Variants in DGKH observed in about 807,000 individuals in gnomAD.
The protein encoded by DGKH is DAG kinase eta.
In DGKH, 90 loss-of-function variants were observed where a neutral mutation model predicts 159.3. That is an observed-to-expected ratio of 0.57 (90% CI 0.48 to 0.67). DGKH has a LOEUF of 0.67. Among genes scored for constraint, DGKH ranks in the 30% least tolerant of loss-of-function variants. The probability of loss-of-function intolerance (pLI) is 0.00; values close to 1 mark genes in which losing one functional copy is unlikely to be tolerated. For missense variants in DGKH, 1,181 were observed against 1,506.1 expected (o/e 0.78, Z 3.57); for synonymous variants, 536 against 553.8 (o/e 0.97, Z 0.45).
chr13:42,252,751 A>G (rs1323291654), intron 30 of DGKH, among the ~76,000 whole-genome samples: 4 of 150,476 alleles, frequency 2.7e-5, no homozygotes, highest in African/African-American at 7.3e-5. Flanking sequence ...GCATCCTACA[A>G]CTTTTTTTTT....
intron 1 of DGKH, among the ~76,000 whole-genome samples, chr13:42,114,024 C>T (rs1315314905): frequency 2.0e-5 from 3 of 152,130 alleles, no homozygotes; most frequent in East Asian, 1.9e-4. Context: ...TCACTCTCTA[C>T]AAATAGTAGT....
At chr13:42,085,894 A>G (rs1954291566) in intron 1 of DGKH, among the ~76,000 whole-genome samples, 1 of 152,030 alleles carries the variant, frequency 6.6e-6, no homozygotes, top group Non-Finnish European at 1.5e-5. Context: ...CTCATGCATG[A>G]TGTCTGTATT....
intron 2 of DGKH, among the ~76,000 whole-genome samples, chr13:42,127,979 C>G (rs984233006): frequency 6.6e-6 from 1 of 151,956 alleles, no homozygotes; most frequent in Non-Finnish European, 1.5e-5. Flanking sequence ...GCTCTGTGTT[C>G]AGACAAGAGC....
At chr13:42,108,456 T>C (rs1006494847) in intron 1 of DGKH, among the ~76,000 whole-genome samples, 4 of 152,100 alleles carry the variant, frequency 2.6e-5, no homozygotes, top group African/African-American at 4.8e-5. Flanking sequence ...CTGAATTCAT[T>C]TGGAATTCCG....
rs193177492 is a variant in DGKH at position 42,184,674 on chromosome 13, C to T, written c.1539-2375C>T. Among the ~76,000 whole-genome samples the T allele has an allele frequency of 5.2e-4, 79 of 151,730 alleles. 1 individual carries two copies. The highest frequency in any genetic ancestry group is 2.3e-3 in the East Asian group (12 of 5,174). On this transcript the variant is annotated intron_variant, in intron 13 of 29. Transcript: ENST00000337343. ...GCCATGAGTTAGAGACCAGCTGGGGCGACACAGAGAGACTACATCTCTACC... is the reference window on the plus strand; with the variant it reads ...GCCATGAGTTAGAGACCAGCTGGGGTGACACAGAGAGACTACATCTCTACC...
chr13:42,220,405 C>T (rs1168097083), intron 28 of DGKH, among the ~76,000 whole-genome samples: 1 of 152,192 alleles, frequency 6.6e-6, no homozygotes, highest in Admixed American at 6.5e-5. Flanking sequence ...TTTCACCTTT[C>T]CTTAGAGTTT....
Position 42,116,053 on chromosome 13 carries a change from T to C in DGKH, c.193-11410T>C, listed in dbSNP as rs545018090. The stretch of plus-strand genomic sequence containing the variant: ...GACATGCCATGTTTTTAAAGAATTA[T>C]ATATTATTTTGAATCCATTGCCTCA... On this transcript the variant is annotated intron_variant, in intron 1 of 29. Transcript: ENST00000337343. Among the ~76,000 whole-genome samples, 10 of 152,336 alleles carry C rather than the reference T, an allele frequency of 6.6e-5. 1 individual carries two copies. Among genetic ancestry groups the C allele is most frequent in the African/African-American group, 2.4e-4 (10 of 41,582 alleles).
rs977775939 is a variant in DGKH, at chr13:42,240,520, C to G, written c.*11332C>G. 1 of 151,994 alleles carries G rather than the reference C, an allele frequency of 6.6e-6. No homozygotes were observed. Among genetic ancestry groups the G allele is most frequent in the African/African-American group, 2.4e-5 (1 of 41,374 alleles). The allele number at this position is 151,994 out of a possible 1,614,324, so 9.4% of individuals were successfully genotyped here. On this transcript the variant is annotated 3_prime_UTR_variant, in exon 30 of 30. Coordinates refer to ENST00000337343, the MANE Select transcript of DGKH (RefSeq NM_178009.5). ...TCCACATAAATACATATACTGATTA[C>G]CTACAGACAATAATGAGACTTCAGA...
intron 20 of DGKH, among the ~76,000 whole-genome samples, chr13:42,205,116 A>G (rs1367495254): frequency 3.3e-5 from 5 of 152,168 alleles, no homozygotes; most frequent in Admixed American, 6.5e-5. Flanking sequence ...TGACATCTGT[A>G]AGCTGTTCTC....
intron 3 of DGKH, among the ~76,000 whole-genome samples, chr13:42,131,634 G>T (rs1438890245): frequency 6.6e-6 from 1 of 152,160 alleles, no homozygotes; most frequent in Non-Finnish European, 1.5e-5. Context: ...AGTAGTGAGT[G>T]GTGTCTACCA....
intron 1 of DGKH, among the ~76,000 whole-genome samples, chr13:42,073,195 C>T (rs1229603314): frequency 6.6e-6 from 1 of 152,208 alleles, no homozygotes; most frequent in Non-Finnish European, 1.5e-5. Flanking sequence ...AATTTTAGAG[C>T]AGTGTCCTGC....
At chr13:42,256,450 G>A (rs927920988) in exon 31 of DGKH, 17 of 1,545,230 alleles carry the variant, frequency 1.1e-5, no homozygotes, top group African/African-American at 2.7e-5. Context: ...CAACCTTAAA[G>A]GAAACTGTTA....
At chr13:42,223,557 C>T (rs937287775) in intron 29 of DGKH, among the ~76,000 whole-genome samples, 1 of 151,968 alleles carries the variant, frequency 6.6e-6, no homozygotes, top group Non-Finnish European at 1.5e-5. Flanking sequence ...GTCAGGAGAT[C>T]GAGACCATCT....
At position 42,165,449 on chromosome 13, in the gene DGKH, G is replaced by A. The variant is rs780295752; in HGVS notation, c.958+16G>A. ...GATTCCGATGGTATGTAGCAGTAGT[G>A]TAAGTACGTATATTTCTGGTATATT... is the stretch of plus-strand genomic sequence containing the variant. On this transcript the variant is annotated intron_variant, in intron 8 of 29. Transcript: ENST00000337343. 3 of 1,383,648 alleles carry A rather than the reference G, an allele frequency of 2.2e-6. No homozygotes were observed. The highest frequency in any genetic ancestry group is 2.3e-5 in the Admixed American group (1 of 43,700). The allele number at this position is 1,383,648 out of a possible 1,614,324, so 85.7% of individuals were successfully genotyped here.
At chr13:42,156,995 A>G (rs1043338147) in intron 5 of DGKH, among the ~76,000 whole-genome samples, 9 of 152,220 alleles carry the variant, frequency 5.9e-5, no homozygotes, top group Admixed American at 5.2e-4. Context: ...TAAAAATTAA[A>G]TGAGGGAATA....
rs150295554 is a variant in DGKH at position 42,160,450 on chromosome 13, A to T, written c.855+314A>T. Among the ~76,000 whole-genome samples the T allele has an allele frequency of 4.9e-3, 748 of 152,340 alleles. 2 individuals are homozygous for T. The highest frequency in any genetic ancestry group is 7.1e-3 in the Non-Finnish European group (482 of 68,036). ...TATTCAGGCCTATTTTACTACCTGA[A>T]AGCCCTTCTCTGGTATGTCACCAAA... On this transcript the variant is annotated intron_variant, in intron 7 of 29. Coordinates refer to ENST00000337343, the MANE Select transcript of DGKH (RefSeq NM_178009.5).
In DGKH at chr13:42,209,352, A is replaced by G. The variant is rs772937446; in HGVS notation, c.2737A>G (p.Ile913Val). The G allele has an allele frequency of 4.5e-5, 72 of 1,613,226 alleles. No homozygotes were observed. The South Asian group carries it at 6.2e-4, about 14-fold the overall frequency. Residue 913 changes from isoleucine (I) to valine (V), a missense_variant, in exon 23 of 30, where the codon ATA becomes GTA. Coordinates refer to ENST00000337343, the MANE Select transcript of DGKH (RefSeq NM_178009.5). Reference protein sequence around the residue: ...IAQCRTVKITIFGDEGVPVQV... With the variant: ...IAQCRTVKITVFGDEGVPVQV... ...TCAGTGCCGTACAGTGAAAATCACT[A>G]TATTTGGTGACGAAGGAGTCCCAGT...
chr13:42,246,100 A>G (rs1958578076), downstream of DGKH, among the ~76,000 whole-genome samples: 1 of 152,208 alleles, frequency 6.6e-6, no homozygotes, highest in Non-Finnish European at 1.5e-5. Flanking sequence ...GTGGAAATCA[A>G]GAATCATCCA....
Position 42,207,127 on chromosome 13 carries a change from TTCCTTCCTTCCTTCCTTCCTTCCTTCC to T in DGKH, c.2601+983_2601+1009del, listed in dbSNP as rs1957519596. On this transcript the variant is annotated intron_variant, in intron 21 of 29. Coordinates refer to ENST00000337343, the MANE Select transcript of DGKH (RefSeq NM_178009.5). ...TTTCTTTCTTTCTCTTTCTCTCTCCTTCCTTCCTTCCTTCCTTCCTTCCTTCCTTCCTTCCTTCCTTCCTTCCTTCCT... is the reference window on the plus strand; with the variant it reads ...TTTCTTTCTTTCTCTTTCTCTCTCCTTTCCTTCCTTCCTTCCTTCCTTCCT... 7.2e-3 allele frequency among the ~76,000 whole-genome samples: 419 copies of T among 58,092 alleles called. 23 individuals are homozygous for T. Among genetic ancestry groups the T allele is most frequent in the South Asian group, 0.016 (21 of 1,322 alleles). The allele number at this position is 58,092 out of a possible 152,430, so 38.1% of individuals were successfully genotyped here. A position where few individuals can be genotyped will look rare whatever the true frequency, so the allele number is the denominator to read the frequency against.
Sources: allele counts gnomAD v4.1 joint callset (sites outside exome capture counted in the v4.1 genomes callset), GRCh38; gene constraint gnomAD v4.1.1; transcripts MANE v1.5; gene names NCBI Gene and HGNC (gene_info 2026-07-23, HGNC 2026-07-21).